Variants in PMEPA1 observed in about 807,000 individuals in gnomAD.
PMEPA1 encodes the protein prostate transmembrane protein, androgen induced 1.
In PMEPA1, 11 loss-of-function variants were observed where a neutral mutation model predicts 23.0. The observed-to-expected ratio is 0.48, with a 90% CI of 0.30 to 0.79. PMEPA1 has a LOEUF of 0.79. PMEPA1 is among the 30% of genes least tolerant of loss of function. The pLI is 0.06. For synonymous variants in PMEPA1, 204 were observed against 166.4 expected, an observed-to-expected ratio of 1.23 and a Z score of -1.74; for missense variants, 377 against 390.9, an observed-to-expected ratio of 0.96 and a Z score of 0.30.
At chr20:57,689,167 A>G (rs1206760738) in intron 1 of PMEPA1, among the ~76,000 whole-genome samples, 1 of 152,194 alleles carries the variant, frequency 6.6e-6, no homozygotes, top group Non-Finnish European at 1.5e-5. Context: ...TTTTGTTGGT[A>G]GGGCTGGTCA....
intron 1 of PMEPA1, among the ~76,000 whole-genome samples, chr20:57,699,027 G>A (rs1342893130): frequency 6.6e-6 from 1 of 152,206 alleles, no homozygotes; most frequent in African/African-American, 2.4e-5. Context: ...TAACTCAGGG[G>A]AATGAAGAAA....
intron 1 of PMEPA1, among the ~76,000 whole-genome samples, chr20:57,678,841 A>C (rs2071673339): frequency 6.6e-6 from 1 of 152,180 alleles, no homozygotes; most frequent in African/African-American, 2.4e-5. Context: ...GGATTCCCCG[A>C]TGTAAAGTGT....
At chr20:57,654,498 G>A (rs1046996304) in intron 2 of PMEPA1, among the ~76,000 whole-genome samples, 6 of 152,018 alleles carry the variant, frequency 3.9e-5, no homozygotes, top group African/African-American at 7.3e-5. Flanking sequence ...CGTCAGGACC[G>A]CTCCTACCCC....
In PMEPA1 at chr20:57,657,323, C is replaced by T. The variant is rs186291616; in HGVS notation, c.264+2220G>A. Among the ~76,000 whole-genome samples, 24 of 152,272 alleles carry T rather than the reference C, an allele frequency of 1.6e-4. No individual in the cohort carries two copies. The East Asian group carries it at 2.3e-3, about 15-fold the overall frequency. The stretch of plus-strand genomic sequence containing the variant: ...GGTGCCTTCTGGAATGTCCAGGCAC[C>T]GTCACTCTCCCCAGCACTTGAGGGA... On this transcript the variant is annotated intron_variant, in intron 2 of 3. Coordinates refer to ENST00000341744, the MANE Select transcript of PMEPA1 (RefSeq NM_020182.5).
intron 1 of PMEPA1, chr20:57,690,528 A>AAAAGAAGG (rs2071866448): frequency 7.7e-7 from 1 of 1,297,852 alleles, no homozygotes; most frequent in Admixed American, 2.3e-5. Flanking sequence ...TGTGAAGCAA[A>AAAAGAAGG]AAAGAAGGAT....
rs1264636062 is a variant in PMEPA1 at position 57,653,059 on chromosome 20, T to C, written c.292A>G (p.Thr98Ala). The C allele has an allele frequency of 6.3e-7, 1 of 1,594,210 alleles. No individual in the cohort carries two copies. ...SEGCLWPSES[T>A]VSGNGIPEPQ... ...TCTGGGATTCCGTTGCCTGACACTGTGCTCTCCGAGGGCCACAGGCATCCT... is the reference window on the plus strand; with the variant it reads ...TCTGGGATTCCGTTGCCTGACACTGCGCTCTCCGAGGGCCACAGGCATCCT... Residue 98 changes from threonine to alanine, a missense_variant, in exon 3 of 4, where the codon ACA becomes GCA. Transcript: ENST00000341744.
chr20:57,683,146 G>A lies in PMEPA1; in HGVS notation c.110-23449C>T, dbSNP rs1384390711. On this transcript the variant is annotated intron_variant, in intron 1 of 3. Coordinates refer to ENST00000341744, the MANE Select transcript of PMEPA1 (RefSeq NM_020182.5). This position sits in a 1 kb window ranked among gnomAD's most constrained non-coding sequence, Gnocchi z 4.3. ...GCAGGTAGAGGCTGCTCACGTTAGA[G>A]GGCACGGATATCCCCCACTGCTTTT... 6.6e-6 allele frequency among the ~76,000 whole-genome samples: 1 copy of A among 152,214 alleles called. No individual in the cohort carries two copies. Among genetic ancestry groups the A allele is most frequent in the African/African-American group, 2.4e-5 (1 of 41,450 alleles).
intron 1 of PMEPA1, among the ~76,000 whole-genome samples, chr20:57,692,988 C>T (rs143666348): frequency 9.6e-4 from 147 of 152,342 alleles, no homozygotes; most frequent in African/African-American, 3.3e-3. Flanking sequence ...TCAGAATTAA[C>T]CTGGCAGAAT....
At chr20:57,665,216 T>G (rs1437343563) in intron 1 of PMEPA1, among the ~76,000 whole-genome samples, 2 of 152,174 alleles carry the variant, frequency 1.3e-5, no homozygotes, top group Non-Finnish European at 2.9e-5. Flanking sequence ...AACATCACCA[T>G]GCCCATTTTG....
At chr20:57,669,836 G>A (rs2071543268) in intron 1 of PMEPA1, among the ~76,000 whole-genome samples, 1 of 151,668 alleles carries the variant, frequency 6.6e-6, no homozygotes, top group African/African-American at 2.4e-5. Flanking sequence ...TGCAATCTCA[G>A]CATTTTGGAG....
intron 1 of PMEPA1, among the ~76,000 whole-genome samples, chr20:57,669,881 A>T (rs1449821842): frequency 6.6e-6 from 1 of 152,078 alleles, no homozygotes; most frequent in Non-Finnish European, 1.5e-5. Flanking sequence ...AAGAGGGAAA[A>T]AAAAAAGATT....
chr20:57,695,689 GCA>G (rs988429911), intron 1 of PMEPA1, among the ~76,000 whole-genome samples: 1 of 152,214 alleles, frequency 6.6e-6, no homozygotes, highest in African/African-American at 2.4e-5. Flanking sequence ...CCTCTGATTA[GCA>G]CCAGAAGGAT....
At chr20:57,699,140 G>A (rs1388308983) in intron 1 of PMEPA1, among the ~76,000 whole-genome samples, 1 of 152,210 alleles carries the variant, frequency 6.6e-6, no homozygotes, top group Non-Finnish European at 1.5e-5. Flanking sequence ...TGTTGTCTGG[G>A]CATCTGAACC....
intron 1 of PMEPA1, among the ~76,000 whole-genome samples, chr20:57,684,092 A>G (rs1377653809): frequency 1.3e-5 from 2 of 152,248 alleles, no homozygotes; most frequent in South Asian, 4.1e-4. Context: ...AATGAGACGC[A>G]GTTTAGGGAT....
intron 1 of PMEPA1, among the ~76,000 whole-genome samples, chr20:57,661,935 G>A (rs1377843737): frequency 7.2e-6 from 1 of 139,740 alleles, no homozygotes; most frequent in Non-Finnish European, 1.6e-5. Context: ...CCCTCAGCGC[G>A]CCATTGTCTA....
At position 57,696,669 on chromosome 20, in the gene PMEPA1, A is replaced by T. The variant is rs117329598; in HGVS notation, c.109+12805T>A. ...TGTTGGGTGTTGGGTTCATTCCCTA[A>T]ATACTGACTGCCTCCCAGATTCTCC... On this transcript the variant is annotated intron_variant, in intron 1 of 3. Transcript: ENST00000341744. 9.6e-3 allele frequency among the ~76,000 whole-genome samples: 1,468 copies of T among 152,258 alleles called. 21 individuals are homozygous for T. Among genetic ancestry groups the T allele is most frequent in the Middle Eastern group, 0.02 (6 of 294 alleles).
Position 57,659,584 on chromosome 20 carries a change from G to A in PMEPA1, c.223C>T (p.Arg75Trp), listed in dbSNP as rs75896253. The A allele has an allele frequency of 9.3e-6, 15 of 1,613,828 alleles. No individual in the cohort carries two copies. Among genetic ancestry groups the A allele is most frequent in the East Asian group, 8.9e-5 (4 of 44,870 alleles). The stretch of plus-strand genomic sequence containing the variant: ...TCTCTCCTCCGCCCCTGGCTGTGCC[G>A]GCTGATGAAGGACCGTGCAGACAGC... ...YKLSARSFIS[R>W]HSQGRRREDA... The change falls in exon 2 of 4, where the codon CGG (arginine) becomes TGG (tryptophan). Residue 75 changes from arginine to tryptophan, a missense_variant. This residue lies in a region of PMEPA1 where 198 missense variants were observed against 196.3 expected (regional missense o/e 1.01). Coordinates refer to ENST00000341744, the MANE Select transcript of PMEPA1 (RefSeq NM_020182.5).
rs978495708 is a variant in PMEPA1, at chr20:57,704,208, T to C, written c.109+5266A>G. On this transcript the variant is annotated intron_variant, in intron 1 of 3. Coordinates refer to ENST00000341744, the MANE Select transcript of PMEPA1 (RefSeq NM_020182.5). The surrounding 1 kb of genome is among the most constrained non-coding windows in gnomAD (Gnocchi z 4.6). ...GAAAGATCTGGCCACTCAGGGCCCA[T>C]GTGGCAATGGTGGGCTGAGCAGTGG... is the stretch of plus-strand genomic sequence containing the variant. Among the ~76,000 whole-genome samples, 1 of 152,202 alleles carries C rather than the reference T, an allele frequency of 6.6e-6. No homozygotes were observed. Among genetic ancestry groups the C allele is most frequent in the Non-Finnish European group, 1.5e-5 (1 of 68,030 alleles).
At chr20:57,672,977 G>C (rs2071589670) in intron 1 of PMEPA1, among the ~76,000 whole-genome samples, 1 of 152,182 alleles carries the variant, frequency 6.6e-6, no homozygotes. Context: ...GGAGTGAAGA[G>C]CCATAAAGTA....
Sources: gnomAD v4.1 joint callset for allele counts (sites outside exome capture counted in the v4.1 genomes callset) on GRCh38, gnomAD v4.1.1 for gene constraint, gnomAD v4.1.1 regional missense constraint, Gnocchi (gnomAD v3.1) non-coding constraint, MANE v1.5 for transcripts, NCBI Gene and HGNC (gene_info 2026-07-23, HGNC 2026-07-21) for gene names.